UGT1A7: variants seen among roughly 807,000 people sequenced by gnomAD.
UGT1A7 encodes the protein UDP-glucuronosyltransferase 1A7.
UGT1A7 carries 33 observed loss-of-function variants against 45.6 expected under a neutral mutation model. The observed-to-expected ratio is 0.72, with a 90% confidence interval of 0.55 to 0.97. The LOEUF (loss-of-function observed/expected upper bound fraction) is 0.97. Among genes scored for constraint, UGT1A7 ranks in the 50% least tolerant of loss-of-function variants. The pLI, the probability that UGT1A7 is intolerant of heterozygous loss-of-function variation, is 0.00. For synonymous variants in UGT1A7, 274 were observed against 250.6 expected (o/e 1.09, Z -0.88); for missense variants, 684 against 666.2 (o/e 1.03, Z -0.29).
intron 1 of UGT1A7, chr2:233,743,569 T>C (rs974809984): frequency 7.3e-7 from 1 of 1,367,258 alleles, no homozygotes; most frequent in Non-Finnish European, 9.8e-7. Context: ...CCAGCGGGTT[T>C]CCCAAGAGGT....
intron 1 of UGT1A7, among the ~76,000 whole-genome samples, chr2:233,765,845 C>T (rs1255338105): frequency 6.6e-6 from 1 of 152,028 alleles, no homozygotes; most frequent in East Asian, 1.9e-4. Context: ...TCCTTGTCCC[C>T]CTCACAGAGC....
chr2:233,699,226 C>T (rs367936374), intron 1 of UGT1A7, among the ~76,000 whole-genome samples: 5 of 152,180 alleles, frequency 3.3e-5, no homozygotes, highest in South Asian at 2.1e-4. Flanking sequence ...AAAACAAAAA[C>T]GAACTTTTGT....
At chr2:233,717,349 C>T (rs1413249189) in intron 1 of UGT1A7, among the ~76,000 whole-genome samples, 1 of 152,208 alleles carries the variant, frequency 6.6e-6, no homozygotes. Context: ...AAATCGTCCT[C>T]CCCTGGGGAG....
intron 1 of UGT1A7, among the ~76,000 whole-genome samples, chr2:233,730,165 G>A (rs142374428): frequency 8.5e-5 from 13 of 152,274 alleles, no homozygotes; most frequent in East Asian, 3.9e-4. Context: ...CTCTAGTAGC[G>A]TATTTCAGGT....
intron 1 of UGT1A7, chr2:233,729,382 C>T (rs775388472): frequency 6.2e-7 from 1 of 1,613,960 alleles, no homozygotes; most frequent in South Asian, 1.1e-5. Context: ...TTCGTGGACC[C>T]AGGATGAATT....
At chr2:233,693,117 A>T in intron 1 of UGT1A7, 1 of 1,614,178 alleles carries the variant, frequency 6.2e-7, no homozygotes, top group Non-Finnish European at 8.5e-7. Context: ...GACGGAAGCC[A>T]CTGGCTTAGT....
At chr2:233,734,933 A>T (rs1236153651) in intron 1 of UGT1A7, among the ~76,000 whole-genome samples, 3 of 152,196 alleles carry the variant, frequency 2.0e-5, no homozygotes, top group Non-Finnish European at 4.4e-5. Context: ...TTTACTTACA[A>T]TCATATGGTC....
In UGT1A7 at chr2:233,772,200, TAAAG is replaced by T. The variant is rs1700482093; in HGVS notation, c.1296-60_1296-57del. On this transcript the variant is annotated intron_variant, in intron 4 of 4. Coordinates refer to ENST00000373426, the MANE Select transcript of UGT1A7 (RefSeq NM_019077.3). ...TAGTCTTCTTAAGCAGCCATGAGCATAAAGAGAGGATTGTTCATACCACAGGTGT... is the reference window on the plus strand; with the variant it reads ...TAGTCTTCTTAAGCAGCCATGAGCATAGAGGATTGTTCATACCACAGGTGT... The T allele has an allele frequency of 6.8e-6, 11 of 1,606,074 alleles. No individual in the cohort carries two copies. In the South Asian group the frequency reaches 1.0e-4, roughly 15 times the overall value.
intron 1 of UGT1A7, chr2:233,743,518 C>A: frequency 1.5e-6 from 2 of 1,367,324 alleles, no homozygotes; most frequent in Non-Finnish European, 9.8e-7. Flanking sequence ...CGCTCTGCTT[C>A]TGCTTCCCCA....
At chr2:233,689,293 C>T (rs1488483516) in intron 1 of UGT1A7, among the ~76,000 whole-genome samples, 5 of 151,458 alleles carry the variant, frequency 3.3e-5, no homozygotes, top group South Asian at 2.1e-4. Flanking sequence ...GGGGTTCACT[C>T]ACCCAGCACA....
chr2:233,767,164 C>T lies in UGT1A7; in HGVS notation c.986C>T (p.Thr329Ile). 1.2e-6 allele frequency: 2 copies of T among 1,614,090 alleles called. No individual in the cohort carries two copies. The highest frequency in any genetic ancestry group is 1.7e-6 in the Non-Finnish European group (2 of 1,180,006). Reference sequence around the variant, plus strand: ...GATGCTTTGGGCAAAATCCCTCAGACAGTAAGAAGATTCTATACCATGGCC... The same window carrying T: ...GATGCTTTGGGCAAAATCCCTCAGATAGTAAGAAGATTCTATACCATGGCC... ...IADALGKIPQTVLWRYTGTRP... is the reference protein window; with the variant it reads ...IADALGKIPQIVLWRYTGTRP... Residue 329 changes from threonine to isoleucine, a missense_variant and splice_region_variant, in exon 2 of 5, where the codon ACA (threonine) becomes ATA (isoleucine). By Grantham distance (89) the Thr-to-Ile change is moderately conservative. Transcript: ENST00000373426.
At chr2:233,683,142 ATTG>A (rs1439022715) in intron 1 of UGT1A7, among the ~76,000 whole-genome samples, 5 of 152,112 alleles carry the variant, frequency 3.3e-5, no homozygotes, top group African/African-American at 1.2e-4. Context: ...TTTTGTGTGA[ATTG>A]TTTTCAATTT....
At chr2:233,712,503 G>T (rs2076237621) in intron 1 of UGT1A7, among the ~76,000 whole-genome samples, 1 of 152,214 alleles carries the variant, frequency 6.6e-6, no homozygotes, top group Non-Finnish European at 1.5e-5. Flanking sequence ...TAGCAATGTT[G>T]TCTGCATTTT....
chr2:233,693,995 G>T (rs7592281), intron 1 of UGT1A7: 60,670 of 1,516,734 alleles, frequency 0.04, 2,435 homozygotes, highest in East Asian at 0.2. Flanking sequence ...AGTGATACCC[G>T]GCTCGGAGCA....
intron 1 of UGT1A7, chr2:233,692,906 T>G (rs1175871462): frequency 2.6e-6 from 4 of 1,548,942 alleles, no homozygotes; most frequent in Non-Finnish European, 3.5e-6. Context: ...AGACAGGACC[T>G]GTGAAAAGCA....
intron 1 of UGT1A7, chr2:233,754,900 C>A (rs900398132): frequency 7.4e-7 from 1 of 1,352,224 alleles, no homozygotes; most frequent in African/African-American, 1.5e-5. Flanking sequence ...CTCTGACCCC[C>A]CAAAATATTC....
intron 1 of UGT1A7, among the ~76,000 whole-genome samples, chr2:233,689,674 A>G (rs1426137684): frequency 6.6e-6 from 1 of 152,186 alleles, no homozygotes; most frequent in Non-Finnish European, 1.5e-5. Flanking sequence ...AGAACAAAGA[A>G]TGGCTGTCAG....
At chr2:233,708,951 A>G (rs186386520) in intron 1 of UGT1A7, among the ~76,000 whole-genome samples, 11 of 152,180 alleles carry the variant, frequency 7.2e-5, no homozygotes, top group Admixed American at 7.2e-4. Flanking sequence ...GAACCCATTT[A>G]TATGTTTCCA....
chr2:233,755,042 G>GCCGCCCT (rs756876543), intron 1 of UGT1A7: 2 of 1,323,886 alleles, frequency 1.5e-6, no homozygotes, highest in African/African-American at 3.0e-5. Context: ...CGCCTGCGCA[G>GCCGCCCT]CCGCCCTCCG....
Sources: allele counts gnomAD v4.1 joint callset (sites outside exome capture counted in the v4.1 genomes callset), GRCh38; gene constraint gnomAD v4.1.1; transcripts MANE v1.5; gene names NCBI Gene and HGNC (gene_info 2026-07-23, HGNC 2026-07-21).